The following SLX4IP variants were observed in gnomAD, a reference collection of about 807,000 sequenced individuals.
SLX4IP encodes protein SLX4IP.
SLX4IP carries 34 observed loss-of-function variants against 32.9 expected under a neutral mutation model. The ratio of observed to expected loss-of-function variants is 1.03; its 90% confidence interval spans 0.79 to 1.38. The LOEUF (loss-of-function observed/expected upper bound fraction) is 1.38. Ranked by LOEUF, SLX4IP falls within the 40% of genes most tolerant of loss-of-function variation. SLX4IP has a pLI of 0.00. For synonymous variants in SLX4IP, 172 were observed against 171.7 expected (o/e 1.00, Z -0.01); for missense variants, 444 against 479.0 (o/e 0.93, Z 0.68).
chr20:10,493,412 C>A (rs1486932605), intron 2 of SLX4IP, among the ~76,000 whole-genome samples: 1 of 152,012 alleles, frequency 6.6e-6, no homozygotes, highest in South Asian at 2.1e-4. Flanking sequence ...GGATTTAGGA[C>A]AATTATTCAT....
At chr20:10,492,319 C>T (rs982257790) in intron 2 of SLX4IP, among the ~76,000 whole-genome samples, 4 of 152,164 alleles carry the variant, frequency 2.6e-5, no homozygotes, top group African/African-American at 9.7e-5. Flanking sequence ...AATTACTCTC[C>T]ACAGTAGTTG....
intron 1 of SLX4IP, among the ~76,000 whole-genome samples, chr20:10,440,300 CAA>C (rs1461846942): frequency 6.6e-6 from 1 of 151,718 alleles, no homozygotes. Context: ...ACTAAAAATA[CAA>C]AAATTAGCTG....
At chr20:10,490,504 C>T (rs594440) in intron 2 of SLX4IP, among the ~76,000 whole-genome samples, 59,404 of 151,896 alleles carry the variant, frequency 0.39, 11,832 homozygotes, top group Non-Finnish European at 0.43. Context: ...TCTCATAGAA[C>T]CTTCTGACCT....
In SLX4IP at chr20:10,623,413, C is replaced by A; in HGVS notation, c.*34C>A. Reference sequence around the variant, plus strand: ...AGGTTTGTACCGTTGGAGTTGAGGACATAGTGGCCAAACCTGTGACAAGAG... The same window carrying A: ...AGGTTTGTACCGTTGGAGTTGAGGAAATAGTGGCCAAACCTGTGACAAGAG... On this transcript the variant is annotated 3_prime_UTR_variant, in exon 8 of 8. Transcript: ENST00000334534. 4.5e-6 allele frequency: 7 copies of A among 1,563,548 alleles called. No homozygotes were observed. The highest frequency in any genetic ancestry group is 6.0e-6 in the Non-Finnish European group (7 of 1,158,020).
chr20:10,483,605 A>C (rs1313881095), intron 2 of SLX4IP, among the ~76,000 whole-genome samples: 1 of 151,912 alleles, frequency 6.6e-6, no homozygotes, highest in East Asian at 1.9e-4. Flanking sequence ...TTTAATTTTA[A>C]ATTTTTAAAT....
intron 2 of SLX4IP, among the ~76,000 whole-genome samples, chr20:10,512,525 G>C (rs2065815702): frequency 6.8e-6 from 1 of 147,486 alleles, no homozygotes; most frequent in Non-Finnish European, 1.5e-5. Flanking sequence ...CTTCCAAGTA[G>C]CTAGGACTAC....
chr20:10,559,143 T>A (rs78510635), intron 3 of SLX4IP, among the ~76,000 whole-genome samples: 1 of 151,778 alleles, frequency 6.6e-6, no homozygotes, highest in African/African-American at 2.4e-5. Context: ...AAAAAAAACC[T>A]ATGAGGCGGC....
At chr20:10,502,239 TG>T (rs1675864524) in intron 2 of SLX4IP, among the ~76,000 whole-genome samples, 1 of 152,216 alleles carries the variant, frequency 6.6e-6, no homozygotes, top group Non-Finnish European at 1.5e-5. Flanking sequence ...TGGGAGGCAC[TG>T]CAGATGCTCG....
At chr20:10,440,353 G>A (rs984479206) in intron 1 of SLX4IP, among the ~76,000 whole-genome samples, 43 of 152,114 alleles carry the variant, frequency 2.8e-4, no homozygotes, top group African/African-American at 9.4e-4. Context: ...TACTTGGGAG[G>A]CTGAGGTGGG....
At chr20:10,614,233 A>G in intron 6 of SLX4IP, 1 of 628,376 alleles carries the variant, frequency 1.6e-6, no homozygotes, top group South Asian at 1.9e-5. Flanking sequence ...AAACTCATGT[A>G]CATAACCATG....
intron 2 of SLX4IP, among the ~76,000 whole-genome samples, chr20:10,526,460 A>G (rs1488683359): frequency 1.3e-5 from 2 of 152,322 alleles, no homozygotes; most frequent in Middle Eastern, 3.4e-3. Context: ...AGTGTTTCTG[A>G]CACGTGCTGG....
At chr20:10,553,649 A>G (rs1568737359) in intron 2 of SLX4IP, among the ~76,000 whole-genome samples, 4 of 152,212 alleles carry the variant, frequency 2.6e-5, no homozygotes, top group Non-Finnish European at 5.9e-5. Flanking sequence ...TTTTATTACA[A>G]CCCACAATAA....
At chr20:10,597,529 T>A (rs1434621568) in intron 4 of SLX4IP, among the ~76,000 whole-genome samples, 1 of 152,248 alleles carries the variant, frequency 6.6e-6, no homozygotes, top group African/African-American at 2.4e-5. Context: ...TGGCATTTAC[T>A]CTTCTGGATC....
chr20:10,474,262 G>A (rs995597428), intron 2 of SLX4IP, among the ~76,000 whole-genome samples: 2 of 152,300 alleles, frequency 1.3e-5, no homozygotes, highest in East Asian at 3.9e-4. Context: ...CTTATGAATG[G>A]TGTGCTGGTC....
intron 4 of SLX4IP, among the ~76,000 whole-genome samples, chr20:10,574,820 G>A (rs1018430438): frequency 1.3e-5 from 2 of 151,958 alleles, no homozygotes; most frequent in South Asian, 4.1e-4. Flanking sequence ...TTACAGGCAC[G>A]TGCCACCACG....
At chr20:10,621,124 G>T (rs1195395023) in intron 6 of SLX4IP, among the ~76,000 whole-genome samples, 190 bp from the exon 7 acceptor site, 2 of 152,196 alleles carry the variant, frequency 1.3e-5, no homozygotes, top group African/African-American at 2.4e-5. Context: ...AATGTGGACT[G>T]GGAGTCCAAA....
chr20:10,455,579 T>TTTTATTTATTTA (rs142542742), intron 1 of SLX4IP, among the ~76,000 whole-genome samples: 4,512 of 144,886 alleles, frequency 0.031, 101 homozygotes, highest in Middle Eastern at 0.047. Context: ...CCTGTATGTC[T>TTTTATTTATTTA]TTTATTTATT....
chr20:10,545,187 CAG>C (rs2066150401), intron 2 of SLX4IP, among the ~76,000 whole-genome samples: 1 of 152,142 alleles, frequency 6.6e-6, no homozygotes, highest in Admixed American at 6.5e-5. Context: ...GTCGTACACA[CAG>C]AGAGCTTTCC....
chr20:10,504,955 A>G (rs983712750), intron 2 of SLX4IP, among the ~76,000 whole-genome samples: 1 of 151,400 alleles, frequency 6.6e-6, no homozygotes, highest in African/African-American at 2.4e-5. Flanking sequence ...AGATAATGCC[A>G]GGAAAAAAAA....
Sources: gnomAD v4.1 joint callset for allele counts (sites outside exome capture counted in the v4.1 genomes callset) on GRCh38, gnomAD v4.1.1 for gene constraint, MANE v1.5 for transcripts, NCBI Gene and HGNC (gene_info 2026-07-23, HGNC 2026-07-21) for gene names.